XPO4: variants seen among roughly 807,000 people sequenced by gnomAD.
The protein encoded by XPO4 is exportin-4.
XPO4 carries 39 observed loss-of-function variants against 143.0 expected under a neutral mutation model. That is an observed-to-expected ratio of 0.27 (90% CI 0.21 to 0.36). XPO4 has a LOEUF of 0.36. XPO4 is among the 10% of genes least tolerant of loss of function. The pLI, the probability that XPO4 is intolerant of heterozygous loss-of-function variation, is 1.00. For missense variants in XPO4, 907 were observed against 1,348.0 expected, an observed-to-expected ratio of 0.67 and a Z score of 5.12; for synonymous variants, 439 against 474.0, an observed-to-expected ratio of 0.93 and a Z score of 0.96.
At chr13:20,833,272 T>C (rs753336354) in intron 6 of XPO4, among the ~76,000 whole-genome samples, 1 of 152,166 alleles carries the variant, frequency 6.6e-6, no homozygotes, top group East Asian at 1.9e-4. Context: ...AGCAAAAGCA[T>C]GGCCCATGCT....
intron 1 of XPO4, among the ~76,000 whole-genome samples, chr13:20,872,922 G>A (rs910858817): frequency 2.6e-5 from 4 of 152,116 alleles, no homozygotes; most frequent in Non-Finnish European, 5.9e-5. Flanking sequence ...AGCCTGTGAA[G>A]CTTCAGTAAA....
intron 1 of XPO4, among the ~76,000 whole-genome samples, chr13:20,883,853 C>T (rs35623285): frequency 0.058 from 8,875 of 152,232 alleles, 658 homozygotes; most frequent in African/African-American, 0.17. Context: ...CCGCAACCTC[C>T]GCCTCCTGGG....
intron 18 of XPO4, among the ~76,000 whole-genome samples, chr13:20,792,723 CA>C (rs748612077): frequency 0.19 from 19,008 of 97,978 alleles, 1,291 homozygotes; most frequent in Middle Eastern, 0.28. Flanking sequence ...CTCTGTCTCA[CA>C]AAAAAAAAAA....
At chr13:20,876,040 A>T (rs906465363) in intron 1 of XPO4, among the ~76,000 whole-genome samples, 10 of 150,316 alleles carry the variant, frequency 6.7e-5, no homozygotes, top group Non-Finnish European at 1.2e-4. Context: ...ACCTGAGATC[A>T]GGAGTTTGAG....
chr13:20,896,287 A>G (rs756855434), intron 1 of XPO4, among the ~76,000 whole-genome samples: 21 of 152,206 alleles, frequency 1.4e-4, no homozygotes, highest in Non-Finnish European at 2.4e-4. Flanking sequence ...GTGAGGAGGA[A>G]AGAGAGATTT....
At chr13:20,834,443 G>A (rs1014373676) in intron 6 of XPO4, among the ~76,000 whole-genome samples, 8 of 151,452 alleles carry the variant, frequency 5.3e-5, no homozygotes, top group Non-Finnish European at 1.0e-4. Flanking sequence ...ATCATGATGC[G>A]TGCCTATAGT....
intron 5 of XPO4, 102 bp downstream of exon 5, chr13:20,843,668 C>T (rs1173857987): frequency 8.8e-6 from 7 of 795,558 alleles, no homozygotes; most frequent in Non-Finnish European, 1.4e-5. Context: ...GTACAGGCTA[C>T]CATTCAACTA....
At chr13:20,865,827 C>T (rs1234845159) in intron 2 of XPO4, among the ~76,000 whole-genome samples, 2 of 152,144 alleles carry the variant, frequency 1.3e-5, no homozygotes, top group Admixed American at 1.3e-4. Context: ...CCTATGCCCA[C>T]CAACTAATGA....
chr13:20,848,060 A>G, intron 4 of XPO4: 1 of 252,932 alleles, frequency 4.0e-6, no homozygotes, highest in Non-Finnish European at 6.2e-6. Context: ...GTGGTGCCAG[A>G]TCCCAATGCT....
chr13:20,797,079 T>G, intron 16 of XPO4, 22 bp from the exon 17 acceptor site: 2 of 1,547,856 alleles, frequency 1.3e-6, no homozygotes, highest in Non-Finnish European at 1.7e-6. Context: ...AACCAGGAAT[T>G]TTCTTAAAGC....
intron 9 of XPO4, among the ~76,000 whole-genome samples, chr13:20,813,840 T>C (rs568783047): frequency 6.6e-6 from 1 of 151,758 alleles, no homozygotes; most frequent in East Asian, 1.9e-4. Flanking sequence ...TGCCTGTAGT[T>C]CCACCTACTC....
intron 1 of XPO4, among the ~76,000 whole-genome samples, chr13:20,887,213 T>C (rs2060469346): frequency 1.3e-5 from 2 of 152,180 alleles, no homozygotes; most frequent in South Asian, 4.1e-4. Flanking sequence ...CATATCATCA[T>C]AAATATGCCA....
intron 2 of XPO4, among the ~76,000 whole-genome samples, chr13:20,865,174 T>C (rs1014788230): frequency 6.6e-6 from 1 of 151,878 alleles, no homozygotes; most frequent in African/African-American, 2.4e-5. Flanking sequence ...GTTTTGCTCT[T>C]GTTACTGAGA....
intron 13 of XPO4, among the ~76,000 whole-genome samples, chr13:20,802,760 G>A (rs1422657633): frequency 6.6e-6 from 1 of 151,994 alleles, no homozygotes; most frequent in Non-Finnish European, 1.5e-5. Context: ...TACATACTCT[G>A]ATACAAATGT....
At chr13:20,873,891 C>T (rs1235918910) in intron 1 of XPO4, among the ~76,000 whole-genome samples, 3 of 152,182 alleles carry the variant, frequency 2.0e-5, no homozygotes, top group Non-Finnish European at 2.9e-5. Context: ...ACATCTACTA[C>T]TTATTTGCCA....
At chr13:20,895,443 C>A (rs905222624) in intron 1 of XPO4, among the ~76,000 whole-genome samples, 4 of 151,892 alleles carry the variant, frequency 2.6e-5, no homozygotes, top group African/African-American at 4.8e-5. Context: ...ACCAGCCTGG[C>A]CAACAAGGTG....
chr13:20,855,856 A>C, intron 3 of XPO4, 91 bp from the exon 4 acceptor site: 1 of 1,304,502 alleles, frequency 7.7e-7, no homozygotes, highest in Non-Finnish European at 1.0e-6. Flanking sequence ...GCTACTAATA[A>C]CATTGCTTAC....
In XPO4 at chr13:20,822,139, T is replaced by C. The variant is rs2059728230; in HGVS notation, c.991A>G (p.Ile331Val). 5.0e-6 allele frequency: 8 copies of C among 1,611,466 alleles called. No individual in the cohort carries two copies. The highest frequency in any genetic ancestry group is 3.3e-5 in the South Asian group (3 of 90,302). Residue 331 changes from isoleucine (I) to valine (V), a missense_variant, in exon 8 of 23, where the codon ATC becomes GTC. Ile to Val is a conservative substitution (Grantham distance 29). Transcript: ENST00000255305. ...AAGGGCAAGTATACCTACCCATTGA[T>C]AGTATTCAGTAATCCCTCAATGAAG... ...AHFIEGLLNTINGIEIEDSEA... is the reference protein window; with the variant it reads ...AHFIEGLLNTVNGIEIEDSEA...
At position 20,809,927 on chromosome 13, in the gene XPO4, T is replaced by G; in HGVS notation, c.1214A>C (p.Lys405Thr). Residue 405 changes from lysine to threonine, a missense_variant, in exon 10 of 23, where the codon AAA (lysine) becomes ACA (threonine). Physicochemically the swap from Lys to Thr is moderately conservative, Grantham distance 78. Transcript: ENST00000255305. ...CAAAGTTAACCAGGACTCCAACAAT[T>G]TATCATATGCTTCCATGTATACCAT... ...DDMVYMEAYDKLLESWLTLVQ... is the reference protein window; with the variant it reads ...DDMVYMEAYDTLLESWLTLVQ... The G allele has an allele frequency of 6.2e-7, 1 of 1,613,652 alleles. No homozygotes were observed. Among genetic ancestry groups the G allele is most frequent in the Non-Finnish European group, 8.5e-7 (1 of 1,179,792 alleles).
Sources: gnomAD v4.1 joint callset for allele counts (sites outside exome capture counted in the v4.1 genomes callset) on GRCh38, gnomAD v4.1.1 for gene constraint, MANE v1.5 for transcripts, NCBI Gene and HGNC (gene_info 2026-07-23, HGNC 2026-07-21) for gene names.